BEND4: variants seen among roughly 807,000 people sequenced by gnomAD.
The protein encoded by BEND4 is BEN domain-containing protein 4.
In BEND4, 27 loss-of-function variants were observed where a neutral mutation model predicts 54.7. The ratio of observed to expected loss-of-function variants is 0.49; its 90% CI spans 0.36 to 0.68. The LOEUF is 0.68. BEND4 is among the 30% of genes least tolerant of loss of function. The probability of loss-of-function intolerance (pLI) is 0.00; values close to 1 mark genes in which losing one functional copy is unlikely to be tolerated. For synonymous variants in BEND4, 327 were observed against 299.5 expected, an observed-to-expected ratio of 1.09 and a Z score of -0.95; for missense variants, 702 against 697.2, an observed-to-expected ratio of 1.01 and a Z score of -0.08.
Position 42,151,879 on chromosome 4 carries a change from C to CG in BEND4, c.264dup (p.Gly89ArgfsTer65), listed in dbSNP as rs1246615541. 1.0e-5 allele frequency: 13 copies of CG among 1,305,754 alleles called. No individual in the cohort carries two copies. The highest frequency in any genetic ancestry group is 2.5e-5 in the South Asian group (1 of 40,334). The allele number at this position is 1,305,754 out of a possible 1,614,324, so 80.9% of individuals were successfully genotyped here. A position where few individuals can be genotyped will look rare whatever the true frequency, so the allele number is the denominator to read the frequency against. On this transcript the variant is annotated frameshift_variant, in exon 2 of 6. Coordinates refer to ENST00000502486, the MANE Select transcript of BEND4 (RefSeq NM_207406.4). LOFTEE classifies it high-confidence loss of function. ...GCGGCGGCGGCGGCCCGGCCGGGCCCGGGGGGGTAGGAGCTCTGCGCCTGG... is the reference window on the plus strand; with the variant it reads ...GCGGCGGCGGCGGCCCGGCCGGGCCCGGGGGGGGTAGGAGCTCTGCGCCTGG...
intron 3 of BEND4, among the ~76,000 whole-genome samples, chr4:42,136,065 T>C (rs567982145): frequency 6.6e-6 from 1 of 152,316 alleles, no homozygotes; most frequent in African/African-American, 2.4e-5. Context: ...TTCCCTATCA[T>C]TCGCTGTAAT....
intron 2 of BEND4, among the ~76,000 whole-genome samples, chr4:42,149,077 C>T (rs532995747): frequency 1.3e-5 from 2 of 152,356 alleles, no homozygotes; most frequent in Admixed American, 1.3e-4. Context: ...GTCTCTTCTT[C>T]TGTCCTTGAC....
chr4:42,122,681 T>TAAGAGGGACGAATATG (rs1481480787), intron 4 of BEND4, among the ~76,000 whole-genome samples: 1 of 152,252 alleles, frequency 6.6e-6, no homozygotes, highest in Non-Finnish European at 1.5e-5. Flanking sequence ...TTATGGTCCC[T>TAAGAGGGACGAATATG]GTAAATATTC....
chr4:42,152,448 G>T (rs1392075572), intron 1 of BEND4, 72 bp from the exon 2 acceptor site: 1 of 169,576 alleles, frequency 5.9e-6, no homozygotes, highest in African/African-American at 2.4e-5. Context: ...GGCGGGGCGG[G>T]GCCTGGCGCC....
rs1335967921 is a variant in BEND4 at position 42,113,363 on chromosome 4, T to C, written c.*4155A>G. 1.3e-5 allele frequency: 2 copies of C among 152,180 alleles called. No homozygotes were observed. Among genetic ancestry groups the C allele is most frequent in the Non-Finnish European group, 2.9e-5 (2 of 68,028 alleles). 9.4% of individuals were successfully genotyped at this position (152,180 alleles called of 1,614,324 possible). A position where few individuals can be genotyped will look rare whatever the true frequency, so the allele number is the denominator to read the frequency against. On this transcript the variant is annotated 3_prime_UTR_variant, in exon 6 of 6. Coordinates refer to ENST00000502486, the MANE Select transcript of BEND4 (RefSeq NM_207406.4). ...AAACTCAGGAGGTAGTCAATGGGTA[T>C]TAGGTTTAGGTTCTAGAGCATAAAT...
intron 3 of BEND4, among the ~76,000 whole-genome samples, chr4:42,127,679 C>A (rs1473244695): frequency 1.3e-5 from 2 of 152,150 alleles, no homozygotes; most frequent in Non-Finnish European, 2.9e-5. Context: ...GTATGAGGCT[C>A]CAAAGCAGCA....
At chr4:42,130,223 G>A (rs570553797) in intron 3 of BEND4, among the ~76,000 whole-genome samples, 1 of 152,286 alleles carries the variant, frequency 6.6e-6, no homozygotes, top group South Asian at 2.1e-4. Context: ...GTTCACGCCT[G>A]TAATCCCAGC....
At chr4:42,138,214 C>A (rs1476289877) in intron 3 of BEND4, among the ~76,000 whole-genome samples, 1 of 152,092 alleles carries the variant, frequency 6.6e-6, no homozygotes, top group African/African-American at 2.4e-5. Flanking sequence ...GATAAAGAAA[C>A]TGTGGTATAT....
chr4:42,116,357 A>G lies in BEND4; in HGVS notation c.*1161T>C, dbSNP rs1376320950. ...CATTTGCCAATATGGAAAGTTTCCA[A>G]AGATACCACTAATTTCACATATGGA... On this transcript the variant is annotated 3_prime_UTR_variant, in exon 6 of 6. Transcript: ENST00000502486. The G allele has an allele frequency of 1.3e-5, 2 of 152,226 alleles. No homozygotes were observed. The highest frequency in any genetic ancestry group is 4.8e-5 in the African/African-American group (2 of 41,452). The allele number at this position is 152,226 out of a possible 1,614,324, so 9.4% of individuals were successfully genotyped here.
At chr4:42,119,337 T>C (rs1272256399) in intron 5 of BEND4, among the ~76,000 whole-genome samples, 1 of 152,184 alleles carries the variant, frequency 6.6e-6, no homozygotes, top group Non-Finnish European at 1.5e-5. Context: ...CTTTTTGATA[T>C]GGATTTTTCA....
At chr4:42,139,051 A>G (rs1560581737) in intron 3 of BEND4, among the ~76,000 whole-genome samples, 1 of 151,944 alleles carries the variant, frequency 6.6e-6, no homozygotes, top group African/African-American at 2.4e-5. Context: ...AAATGTGACT[A>G]CTCTAAGCTG....
At chr4:42,143,381 A>C in intron 3 of BEND4, 47 bp downstream of exon 3, 1 of 1,421,014 alleles carries the variant, frequency 7.0e-7, no homozygotes, top group Non-Finnish European at 9.7e-7. Flanking sequence ...GAGACAAGTG[A>C]AAGAAAGAAG....
intron 3 of BEND4, among the ~76,000 whole-genome samples, chr4:42,142,249 GT>G (rs908906851): frequency 2.0e-5 from 3 of 151,494 alleles, no homozygotes; most frequent in African/African-American, 7.3e-5. Flanking sequence ...AATTAAAAAG[GT>G]TTGAAGAGAT....
At chr4:42,147,367 A>G (rs959202669) in intron 2 of BEND4, among the ~76,000 whole-genome samples, 1 of 152,146 alleles carries the variant, frequency 6.6e-6, no homozygotes, top group Non-Finnish European at 1.5e-5. Flanking sequence ...GTACTGTGTG[A>G]TGCCCATTAT....
intron 2 of BEND4, among the ~76,000 whole-genome samples, chr4:42,147,650 TTCTC>T (rs1165867968): frequency 1.3e-5 from 2 of 152,116 alleles, no homozygotes; most frequent in Admixed American, 6.5e-5. Context: ...AAATGCCCAC[TTCTC>T]TCTAATTTAT....
chr4:42,131,215 G>A (rs557376704), intron 3 of BEND4, among the ~76,000 whole-genome samples: 1 of 152,136 alleles, frequency 6.6e-6, no homozygotes, highest in East Asian at 1.9e-4. Context: ...ATGTATCCCG[G>A]AACTTAAAAT....
rs1719857958 is a variant in BEND4 at position 42,116,852 on chromosome 4, TG to T, written c.*665del. The T allele has an allele frequency of 6.6e-6, 1 of 152,190 alleles. No individual in the cohort carries two copies. The highest frequency in any genetic ancestry group is 1.5e-5 in the Non-Finnish European group (1 of 68,014). 9.4% of individuals were successfully genotyped at this position (152,190 alleles called of 1,614,324 possible). A position where few individuals can be genotyped will look rare whatever the true frequency, so the allele number is the denominator to read the frequency against. Reference sequence around the variant, plus strand: ...ATGTTTCTTGACTAACAATGAAAAATGACTACTGTTTGTAAACTCCAGAGAT... The same window carrying T: ...ATGTTTCTTGACTAACAATGAAAAATACTACTGTTTGTAAACTCCAGAGAT... On this transcript the variant is annotated 3_prime_UTR_variant, in exon 6 of 6. Transcript: ENST00000502486.
At position 42,114,892 on chromosome 4, in the gene BEND4, T is replaced by C. The variant is rs1295341737; in HGVS notation, c.*2626A>G. Reference sequence around the variant, plus strand: ...GGAGAGGAGCCAGCAGTGTCCACAGTGATGCTGTATCACGGCCTCAGTGGC... The same window carrying C: ...GGAGAGGAGCCAGCAGTGTCCACAGCGATGCTGTATCACGGCCTCAGTGGC... On this transcript the variant is annotated 3_prime_UTR_variant, in exon 6 of 6. Coordinates refer to ENST00000502486, the MANE Select transcript of BEND4 (RefSeq NM_207406.4). The C allele has an allele frequency of 1.3e-5, 2 of 152,316 alleles. No individual in the cohort carries two copies. The highest frequency in any genetic ancestry group is 2.9e-5 in the Non-Finnish European group (2 of 68,188). 9.4% of individuals were successfully genotyped at this position (152,316 alleles called of 1,614,324 possible).
chr4:42,146,447 C>T lies in BEND4; in HGVS notation c.488-2453G>A, dbSNP rs551145599. ...ATACTTTGTAATTATCTGATATATGCTCTGTGAGGCACTATTTGTACTCTT... is the reference window on the plus strand; with the variant it reads ...ATACTTTGTAATTATCTGATATATGTTCTGTGAGGCACTATTTGTACTCTT... On this transcript the variant is annotated intron_variant, in intron 2 of 5. Coordinates refer to ENST00000502486, the MANE Select transcript of BEND4 (RefSeq NM_207406.4). 2.0e-5 allele frequency among the ~76,000 whole-genome samples: 3 copies of T among 152,326 alleles called. No homozygotes were observed. The East Asian group carries it at 5.8e-4, about 29-fold the overall frequency.
Sources: allele counts gnomAD v4.1 joint callset (sites outside exome capture counted in the v4.1 genomes callset), GRCh38; gene constraint gnomAD v4.1.1; transcripts MANE v1.5; gene names NCBI Gene and HGNC (gene_info 2026-07-23, HGNC 2026-07-21).